The following ZC3H13 variants were observed in gnomAD, a reference collection of about 807,000 sequenced individuals.
The protein encoded by ZC3H13 is zinc finger CCCH domain-containing protein 13.
In ZC3H13, 64 loss-of-function variants were observed where a neutral mutation model predicts 204.1. The ratio of observed to expected loss-of-function variants is 0.31; its 90% CI spans 0.26 to 0.39. The LOEUF is 0.39. ZC3H13 is among the 10% of genes least tolerant of loss of function. The probability of loss-of-function intolerance (pLI) is 1.00; values close to 1 mark genes in which losing one functional copy is unlikely to be tolerated. For synonymous variants in ZC3H13, 667 were observed against 693.7 expected, an observed-to-expected ratio of 0.96 and a Z score of 0.60; for missense variants, 1,833 against 2,082.7, an observed-to-expected ratio of 0.88 and a Z score of 2.33.
Position 45,969,676 on chromosome 13 carries a change from G to A in ZC3H13, c.2868C>T (p.Asn956=). 2.5e-6 allele frequency: 4 copies of A among 1,610,010 alleles called. No homozygotes were observed. The highest frequency in any genetic ancestry group is 3.4e-6 in the Non-Finnish European group (4 of 1,179,224). Residue 956 remains asparagine (N), a synonymous_variant, in exon 14 of 19, where the codon AAC becomes AAT. Coordinates refer to ENST00000679008, the MANE Select transcript of ZC3H13 (RefSeq NM_001330564.2). ...TCTTTTGAATTTTTGCTTTCTTCTT[G>A]TTTTCATCATGAGCTCGATCAGATG... ...RETSDRAHDE[N]KKKAKIQKKP...
chr13:45,981,372 T>A (rs1413363489), intron 10 of ZC3H13, among the ~76,000 whole-genome samples: 1 of 152,238 alleles, frequency 6.6e-6, no homozygotes, highest in Non-Finnish European at 1.5e-5. Flanking sequence ...ATTTTCTTAA[T>A]CCAGTCTATC....
intron 4 of ZC3H13, among the ~76,000 whole-genome samples, chr13:46,030,044 T>C (rs1423242045): frequency 1.3e-5 from 2 of 152,030 alleles, no homozygotes; most frequent in Non-Finnish European, 1.5e-5. Context: ...CCAAGAAGAA[T>C]TTATCCTAGG....
At chr13:46,020,083 G>A (rs1483228398) in intron 5 of ZC3H13, among the ~76,000 whole-genome samples, 1 of 151,978 alleles carries the variant, frequency 6.6e-6, no homozygotes, top group African/African-American at 2.4e-5. Flanking sequence ...AAGTCCTTAA[G>A]ATTTAAAAAT....
chr13:46,042,012 G>T lies in ZC3H13; in HGVS notation c.339+152C>A. The T allele has an allele frequency of 5.6e-6, 3 of 536,138 alleles. No homozygotes were observed. In the South Asian group the frequency reaches 9.8e-5, roughly 18 times the overall value. The allele number at this position is 536,138 out of a possible 1,614,324, so 33.2% of individuals were successfully genotyped here. A position where few individuals can be genotyped will look rare whatever the true frequency, so the allele number is the denominator to read the frequency against. ...TGAACCAATCACAGTTTTCCCAGGGGACTCTTTCCCTCTAAATTACATTAT... is the reference window on the plus strand; with the variant it reads ...TGAACCAATCACAGTTTTCCCAGGGTACTCTTTCCCTCTAAATTACATTAT... On this transcript the variant is annotated intron_variant, in intron 4 of 18. Transcript: ENST00000679008.
At chr13:45,960,909 T>C (rs1010692358) in intron 17 of ZC3H13, among the ~76,000 whole-genome samples, 1 of 152,206 alleles carries the variant, frequency 6.6e-6, no homozygotes, top group Non-Finnish European at 1.5e-5. Context: ...TGAGATTAGA[T>C]AGTTAACAAG....
Position 45,982,079 on chromosome 13 carries a change from T to C in ZC3H13, c.1721-2075A>G, listed in dbSNP as rs36078339. Among the ~76,000 whole-genome samples the C allele has an allele frequency of 6.6e-3, 996 of 150,636 alleles. 6 individuals are homozygous for C. The highest frequency in any genetic ancestry group is 9.4e-3 in the Non-Finnish European group (632 of 67,524). ...AATAAAAAAGAAAAAAAAGAACATATGACAAACTAACCCACCCAAAGACAG... is the reference window on the plus strand; with the variant it reads ...AATAAAAAAGAAAAAAAAGAACATACGACAAACTAACCCACCCAAAGACAG... On this transcript the variant is annotated intron_variant, in intron 10 of 18. Transcript: ENST00000679008.
intron 8 of ZC3H13, among the ~76,000 whole-genome samples, chr13:45,991,321 T>G (rs887314982): frequency 6.6e-6 from 1 of 152,240 alleles, no homozygotes; most frequent in Non-Finnish European, 1.5e-5. Context: ...TTCAACTTGA[T>G]GGCTATAGCA....
intron 17 of ZC3H13, chr13:45,962,785 A>T: frequency 1.0e-6 from 1 of 985,386 alleles, no homozygotes; most frequent in Non-Finnish European, 1.2e-6. Flanking sequence ...TAAAATTGTT[A>T]ATTAATGTTG....
chr13:45,986,482 C>A (rs866586203), intron 9 of ZC3H13, among the ~76,000 whole-genome samples: 1 of 152,132 alleles, frequency 6.6e-6, no homozygotes, highest in African/African-American at 2.4e-5. Context: ...TAAATACTTG[C>A]ACTTTTTAAA....
intron 17 of ZC3H13, chr13:45,962,123 A>C (rs1178305456): frequency 1.0e-6 from 1 of 964,806 alleles, no homozygotes; most frequent in East Asian, 1.1e-4. Context: ...TATGTATGTC[A>C]GGCACTTTTC....
intron 7 of ZC3H13, among the ~76,000 whole-genome samples, chr13:46,004,794 T>C (rs950890408): frequency 6.6e-6 from 1 of 152,208 alleles, no homozygotes; most frequent in African/African-American, 2.4e-5. Flanking sequence ...GTCACAAAGA[T>C]GGTCTCCTAA....
At chr13:46,006,244 ACT>A (rs1192843054) in intron 7 of ZC3H13, among the ~76,000 whole-genome samples, 1 of 152,058 alleles carries the variant, frequency 6.6e-6, no homozygotes, top group Non-Finnish European at 1.5e-5. Context: ...CTCCTGGCTT[ACT>A]GGCTTCCCCC....
intron 2 of ZC3H13, 36 bp downstream of exon 2, chr13:46,045,355 A>AAG: frequency 6.6e-7 from 1 of 1,522,664 alleles, no homozygotes; most frequent in Non-Finnish European, 9.1e-7. Context: ...ATAGAATTCT[A>AAG]AGAGAACCCC....
At chr13:45,963,728 A>C in intron 17 of ZC3H13, 114 bp downstream of exon 17, 1 of 1,502,260 alleles carries the variant, frequency 6.7e-7, no homozygotes, top group Non-Finnish European at 8.9e-7. Context: ...ATGATTTCTC[A>C]AAAAATAGTT....
intron 7 of ZC3H13, 104 bp downstream of exon 7, chr13:46,010,244 T>C (rs1032734665): frequency 1.4e-5 from 16 of 1,168,868 alleles, no homozygotes; most frequent in Non-Finnish European, 1.7e-5. Flanking sequence ...AAGCTTACAT[T>C]AAATATAAAA....
intron 4 of ZC3H13, among the ~76,000 whole-genome samples, chr13:46,025,909 T>C (rs2042516156): frequency 6.6e-6 from 1 of 152,038 alleles, no homozygotes; most frequent in Admixed American, 6.5e-5. Context: ...AAAAAAAACT[T>C]TATTAATCTA....
At chr13:45,976,066 C>G in intron 11 of ZC3H13, 1 of 825,970 alleles carries the variant, frequency 1.2e-6, no homozygotes, top group Non-Finnish European at 1.5e-6. Flanking sequence ...TTTCCTGCTC[C>G]CCGTCAACCC....
chr13:46,004,629 TA>T (rs2041000904), intron 7 of ZC3H13, among the ~76,000 whole-genome samples: 1 of 152,206 alleles, frequency 6.6e-6, no homozygotes, highest in South Asian at 2.1e-4. Flanking sequence ...CAAAACTTTC[TA>T]AAACAATTTC....
chr13:46,042,217 C>A lies in ZC3H13; in HGVS notation c.286G>T (p.Val96Leu). 3 of 1,613,526 alleles carry A rather than the reference C, an allele frequency of 1.9e-6. No individual in the cohort carries two copies. Among genetic ancestry groups the A allele is most frequent in the Non-Finnish European group, 2.5e-6 (3 of 1,179,560 alleles). Reference sequence around the variant, plus strand: ...TTTCGTTTCTGGGGCTCAGTGTCCACGTCTTGGCGCTTGTTCTTCATTCTT... The same window carrying A: ...TTTCGTTTCTGGGGCTCAGTGTCCAAGTCTTGGCGCTTGTTCTTCATTCTT... Reference protein sequence around the residue: ...RERMKNKRQDVDTEPQKRNTE... With the variant: ...RERMKNKRQDLDTEPQKRNTE... The change falls in exon 4 of 19, where the codon GTG becomes TTG. Residue 96 changes from valine (V) to leucine (L), a missense_variant. Val to Leu is a conservative substitution (Grantham distance 32). Coordinates refer to ENST00000679008, the MANE Select transcript of ZC3H13 (RefSeq NM_001330564.2).
Sources: allele counts gnomAD v4.1 joint callset (sites outside exome capture counted in the v4.1 genomes callset), GRCh38; gene constraint gnomAD v4.1.1; transcripts MANE v1.5; gene names NCBI Gene and HGNC (gene_info 2026-07-23, HGNC 2026-07-21).